SCN1A: variants seen among roughly 807,000 people sequenced by gnomAD.
SCN1A encodes the protein sodium channel protein type 1 subunit alpha.
SCN1A carries 13 observed loss-of-function variants against 193.7 expected under a neutral mutation model. That is an observed-to-expected ratio of 0.07 (90% CI 0.04 to 0.11). The LOEUF is 0.11. SCN1A is among the 10% of genes least tolerant of loss of function. The pLI, the probability that SCN1A is intolerant of heterozygous loss-of-function variation, is 1.00. For missense variants in SCN1A, 1,432 were observed against 2,451.1 expected, an observed-to-expected ratio of 0.58 and a Z score of 8.78; for synonymous variants, 781 against 843.6, an observed-to-expected ratio of 0.93 and a Z score of 1.29.
At chr2:166,081,409 G>A (rs908221078) in intron 2 of SCN1A, 1 of 151,800 alleles carries the variant, frequency 6.6e-6, no homozygotes, top group Non-Finnish European at 1.5e-5. Flanking sequence ...TCTTCCTTTG[G>A]AGGGCAGCTC....
At chr2:166,070,764 T>C (rs1240885724) in intron 4 of SCN1A, among the ~76,000 whole-genome samples, 1 of 152,054 alleles carries the variant, frequency 6.6e-6, no homozygotes, top group Non-Finnish European at 1.5e-5. Flanking sequence ...AGCTCTTTAA[T>C]TAAAGAAAAA....
chr2:166,140,810 T>A (rs1692048119), intron 1 of SCN1A, among the ~76,000 whole-genome samples: 1 of 152,204 alleles, frequency 6.6e-6, no homozygotes, highest in African/African-American at 2.4e-5. Flanking sequence ...TCGGCTCTGC[T>A]TGATGTTTGT....
intron 1 of SCN1A, among the ~76,000 whole-genome samples, chr2:166,142,948 T>A (rs1211211041): frequency 6.6e-6 from 1 of 152,226 alleles, no homozygotes; most frequent in Non-Finnish European, 1.5e-5. Flanking sequence ...CTTTGTCTTC[T>A]GCCATGATTA....
intron 2 of SCN1A, among the ~76,000 whole-genome samples, chr2:166,118,298 G>GCTTCTTCT (rs371947861): frequency 4.5e-5 from 2 of 44,696 alleles, no homozygotes; most frequent in African/African-American, 1.5e-4. Flanking sequence ...TTTCTATTTA[G>GCTTCTTCT]TTTCTTTTTT....
intron 2 of SCN1A, among the ~76,000 whole-genome samples, chr2:166,117,956 C>T (rs1378380552): frequency 3.5e-5 from 4 of 113,406 alleles, no homozygotes; most frequent in Non-Finnish European, 7.3e-5. Context: ...GAGTGAGACT[C>T]TGTCTCAAAA....
At chr2:166,039,076 A>G (rs1243417689) in intron 17 of SCN1A, among the ~76,000 whole-genome samples, 1 of 152,150 alleles carries the variant, frequency 6.6e-6, no homozygotes, top group Non-Finnish European at 1.5e-5. Context: ...ACTGCTACAA[A>G]GGGCTATATA....
chr2:166,013,154 A>C (rs1334873553), intron 21 of SCN1A, among the ~76,000 whole-genome samples: 1 of 151,466 alleles, frequency 6.6e-6, no homozygotes, highest in Non-Finnish European at 1.5e-5. Flanking sequence ...TTTTCCTATA[A>C]AAATAAATTG....
chr2:166,089,462 C>T (rs1430926437), intron 2 of SCN1A, among the ~76,000 whole-genome samples: 1 of 151,986 alleles, frequency 6.6e-6, no homozygotes, highest in African/African-American at 2.4e-5. Flanking sequence ...GTACATGAGT[C>T]GTTTATGCAT....
At chr2:166,096,259 T>C (rs1040583111) in intron 2 of SCN1A, among the ~76,000 whole-genome samples, 1 of 152,158 alleles carries the variant, frequency 6.6e-6, no homozygotes, top group Non-Finnish European at 1.5e-5. Context: ...GATATGAAAG[T>C]TGGAAATCAG....
chr2:166,107,963 A>T (rs1286855122), intron 2 of SCN1A, among the ~76,000 whole-genome samples: 1 of 152,134 alleles, frequency 6.6e-6, no homozygotes, highest in Non-Finnish European at 1.5e-5. Flanking sequence ...TACTTCATAA[A>T]AAATCATTTG....
At chr2:166,025,156 A>G (rs1420737061) in intron 19 of SCN1A, among the ~76,000 whole-genome samples, 1 of 152,106 alleles carries the variant, frequency 6.6e-6, no homozygotes, top group Admixed American at 6.5e-5. Flanking sequence ...GAAGTCTGGC[A>G]CTGCCTAGTT....
At chr2:166,014,592 CAAAA>C (rs3032611) in intron 20 of SCN1A, among the ~76,000 whole-genome samples, 1 of 56,576 alleles carries the variant, frequency 1.8e-5, no homozygotes, top group African/African-American at 4.3e-5. Context: ...ATCTGGTTTT[CAAAA>C]AAAAAAAAAA....
At chr2:166,098,961 A>G (rs1687716384) in intron 2 of SCN1A, among the ~76,000 whole-genome samples, 1 of 152,210 alleles carries the variant, frequency 6.6e-6, no homozygotes, top group Non-Finnish European at 1.5e-5. Flanking sequence ...ATTCAATGCT[A>G]TTTCTATCAA....
At chr2:166,049,293 T>C (rs1193805426) in intron 9 of SCN1A, among the ~76,000 whole-genome samples, 2 of 152,138 alleles carry the variant, frequency 1.3e-5, no homozygotes, top group Non-Finnish European at 2.9e-5. Context: ...TTAGCATTTG[T>C]TCACCATTCT....
intron 7 of SCN1A, chr2:166,053,249 G>A: frequency 1.6e-6 from 1 of 606,490 alleles, no homozygotes; most frequent in Non-Finnish European, 2.9e-6. Context: ...GGTAAATCAG[G>A]AATTAGATTC....
At chr2:166,046,714 A>G in intron 12 of SCN1A, 56 bp downstream of exon 12, 1 of 1,558,512 alleles carries the variant, frequency 6.4e-7, no homozygotes, top group Non-Finnish European at 8.8e-7. Context: ...TCTCTTCAAT[A>G]TTACGTAACA....
rs1213758058 is a variant in SCN1A at position 166,043,872 on chromosome 2, G to T, written c.1840C>A (p.His614Asn). The part of the protein sequence containing the change: ...RRDSLFVPRR[H>N]GERRNSNLSQ... ...AGGTTGCTGTTGCGTCTCTCTCCGT[G>T]TCGTCGGGGCACAAACAAGGAATCT... The change falls in exon 14 of 29, where the codon CAC (histidine) becomes AAC (asparagine). Residue 614 changes from histidine (H) to asparagine (N), a missense_variant. Around this residue, in one of 18 missense-constraint regions of SCN1A, gnomAD observed 316 missense variants for 362.1 expected, o/e 0.87. Transcript: ENST00000674923. 1 of 1,614,188 alleles carries T rather than the reference G, an allele frequency of 6.2e-7. No homozygotes were observed. Among genetic ancestry groups the T allele is most frequent in the South Asian group, 1.1e-5 (1 of 91,086 alleles).
Position 166,038,059 on chromosome 2 carries a change from C to G in SCN1A, c.2663G>C (p.Gly888Ala). Reference protein sequence around the residue: ...MLIKIIGNSVGALGNLTLVLA... With the variant: ...MLIKIIGNSVAALGNLTLVLA... ...GACGAGGGTTAAATTTCCCAGAGCCCCCACGGAATTGCCGATGATCTTTAT... is the reference window on the plus strand; with the variant it reads ...GACGAGGGTTAAATTTCCCAGAGCCGCCACGGAATTGCCGATGATCTTTAT... Residue 888 changes from glycine to alanine, a missense_variant, in exon 18 of 29, where the codon GGG becomes GCG. This residue lies in a region of SCN1A where 93 missense variants were observed against 260.4 expected (regional missense o/e 0.36). Coordinates refer to ENST00000674923, the MANE Select transcript of SCN1A (RefSeq NM_001165963.4). 1 of 1,614,138 alleles carries G rather than the reference C, an allele frequency of 6.2e-7. No individual in the cohort carries two copies. The highest frequency in any genetic ancestry group is 8.5e-7 in the Non-Finnish European group (1 of 1,180,022).
Position 166,012,293 on chromosome 2 carries a change from A to G in SCN1A, c.3706-11T>C. 1 of 1,592,956 alleles carries G rather than the reference A, an allele frequency of 6.3e-7. No individual in the cohort carries two copies. The highest frequency in any genetic ancestry group is 8.6e-7 in the Non-Finnish European group (1 of 1,163,224). Reference sequence around the variant, plus strand: ...TATATCTTCAAATGCCTATAAAGAAAATGTTACACATTATTAGCTTTCAAA... The same window carrying G: ...TATATCTTCAAATGCCTATAAAGAAGATGTTACACATTATTAGCTTTCAAA... On this transcript the variant is annotated splice_polypyrimidine_tract_variant and intron_variant, in intron 21 of 28. Transcript: ENST00000674923.
Sources: gnomAD v4.1 joint callset for allele counts (sites outside exome capture counted in the v4.1 genomes callset) on GRCh38, gnomAD v4.1.1 for gene constraint, gnomAD v4.1.1 regional missense constraint, MANE v1.5 for transcripts, NCBI Gene and HGNC (gene_info 2026-07-23, HGNC 2026-07-21) for gene names.